Variants in PGM2L1 observed in about 807,000 individuals in gnomAD.
PGM2L1 encodes the protein phosphoglucomutase 2 like 1.
PGM2L1 carries 35 observed loss-of-function variants against 73.4 expected under a neutral mutation model. That is an observed-to-expected ratio of 0.48 (90% CI 0.36 to 0.63). PGM2L1 has a LOEUF of 0.63. PGM2L1 is among the 30% of genes least tolerant of loss of function. PGM2L1 has a pLI of 0.00. For synonymous variants in PGM2L1, 225 were observed against 253.8 expected (o/e 0.89, Z 1.08); for missense variants, 570 against 742.0 (o/e 0.77, Z 2.69).
chr11:74,341,789 G>A (rs887355922), intron 12 of PGM2L1, among the ~76,000 whole-genome samples: 6 of 151,374 alleles, frequency 4.0e-5, no homozygotes, highest in Non-Finnish European at 8.8e-5. Context: ...ACCATGGATT[G>A]CTGGCTAGCT....
rs1261050710 is a variant in PGM2L1 at position 74,333,849 on chromosome 11, C to T, written c.*2803G>A. Reference sequence around the variant, plus strand: ...TTTTCTCCAAAGCTTTAGAAAATTCCAGTTTTGACTTTCATGCTCAATGAG... The same window carrying T: ...TTTTCTCCAAAGCTTTAGAAAATTCTAGTTTTGACTTTCATGCTCAATGAG... On this transcript the variant is annotated 3_prime_UTR_variant, in exon 14 of 14. Transcript: ENST00000298198. 6.6e-6 allele frequency: 1 copy of T among 152,190 alleles called. No homozygotes were observed. Among genetic ancestry groups the T allele is most frequent in the Non-Finnish European group, 1.5e-5 (1 of 68,038 alleles). The allele number at this position is 152,190 out of a possible 1,614,324, so 9.4% of individuals were successfully genotyped here.
At chr11:74,394,689 TG>T (rs2134959344) in intron 1 of PGM2L1, among the ~76,000 whole-genome samples, 1 of 152,344 alleles carries the variant, frequency 6.6e-6, no homozygotes, top group African/African-American at 2.4e-5. Flanking sequence ...TCTCTATGCT[TG>T]TCATAGTTCT....
chr11:74,346,969 G>A, intron 7 of PGM2L1, 140 bp from the exon 8 acceptor site: 1 of 952,380 alleles, frequency 1.0e-6, no homozygotes, highest in Admixed American at 2.4e-5. Flanking sequence ...GAAGCCAAAA[G>A]TAGGGACACC....
At chr11:74,340,188 T>C (rs1458396037) in intron 12 of PGM2L1, among the ~76,000 whole-genome samples, 1 of 152,186 alleles carries the variant, frequency 6.6e-6, no homozygotes, top group Non-Finnish European at 1.5e-5. Context: ...CTATGCAACC[T>C]TGGGGATAAC....
intron 13 of PGM2L1, 73 bp downstream of exon 13, chr11:74,338,395 G>T: frequency 7.6e-7 from 1 of 1,321,908 alleles, no homozygotes; most frequent in Non-Finnish European, 1.0e-6. Context: ...TTTTAAGTGC[G>T]TGAGCTGTAT....
Position 74,371,719 on chromosome 11 carries a change from G to C in PGM2L1, c.378C>G (p.Ser126Arg). Residue 126 changes from serine (S) to arginine (R), a missense_variant, in exon 3 of 14, where the codon AGC (serine) becomes AGG (arginine). Transcript: ENST00000298198. ...DTRGQVTSSC[S>R]SQRLAKLTAA... ...AACAATTAACTTTGTACCTCTGGCT[G>C]CTGCAGCTGCTAGTTACTTGACCCC... 1 of 1,612,256 alleles carries C rather than the reference G, an allele frequency of 6.2e-7. No homozygotes were observed. The highest frequency in any genetic ancestry group is 1.1e-5 in the South Asian group (1 of 91,018).
chr11:74,374,650 G>A, intron 1 of PGM2L1, 68 bp from the exon 2 acceptor site: 1 of 1,378,478 alleles, frequency 7.3e-7, no homozygotes. Flanking sequence ...GCCCTTCTGA[G>A]GGGTCAATAT....
At chr11:74,352,937 T>C (rs1018845095) in intron 5 of PGM2L1, among the ~76,000 whole-genome samples, 5 of 152,128 alleles carry the variant, frequency 3.3e-5, no homozygotes, top group Admixed American at 3.3e-4. Flanking sequence ...ATGGCATCCT[T>C]GAAGCATTTC....
chr11:74,358,552 T>C (rs1189631687), intron 5 of PGM2L1, among the ~76,000 whole-genome samples: 1 of 152,208 alleles, frequency 6.6e-6, no homozygotes, highest in Non-Finnish European at 1.5e-5. Context: ...CCACCTTGAA[T>C]AGGGAATGCA....
At chr11:74,336,777 T>C (rs1324756001) in intron 13 of PGM2L1, 23 bp from the exon 14 acceptor site, 21 of 1,509,514 alleles carry the variant, frequency 1.4e-5, no homozygotes, top group Non-Finnish European at 1.8e-5. Context: ...TGAAGAGTTT[T>C]GGAATTATTT....
intron 6 of PGM2L1, among the ~76,000 whole-genome samples, chr11:74,348,505 C>T (rs1376457901): frequency 6.6e-6 from 1 of 152,048 alleles, no homozygotes; most frequent in Non-Finnish European, 1.5e-5. Context: ...AGAAACATAA[C>T]CATATTACCA....
At chr11:74,367,558 A>T (rs1341163737) in intron 5 of PGM2L1, among the ~76,000 whole-genome samples, 1 of 152,122 alleles carries the variant, frequency 6.6e-6, no homozygotes, top group African/African-American at 2.4e-5. Context: ...GATATTCCCT[A>T]GGGATCCATT....
At chr11:74,365,616 C>A (rs1416368114) in intron 5 of PGM2L1, among the ~76,000 whole-genome samples, 6 of 152,126 alleles carry the variant, frequency 3.9e-5, no homozygotes, top group African/African-American at 1.4e-4. Context: ...AAAAAATGCT[C>A]ATCATCACTG....
Position 74,330,621 on chromosome 11 carries a change from T to C in PGM2L1, c.*6031A>G, listed in dbSNP as rs1565430931. On this transcript the variant is annotated 3_prime_UTR_variant, in exon 14 of 14. Coordinates refer to ENST00000298198, the MANE Select transcript of PGM2L1 (RefSeq NM_173582.6). ...TAGAACAACAAGGCCTCACCATACA[T>C]AGAAGCAGAGTCTTGCTTGAGTGGC... is the stretch of plus-strand genomic sequence containing the variant. 6.6e-6 allele frequency: 1 copy of C among 152,614 alleles called. No homozygotes were observed. Among genetic ancestry groups the C allele is most frequent in the Non-Finnish European group, 1.5e-5 (1 of 68,020 alleles). 9.5% of individuals were successfully genotyped at this position (152,614 alleles called of 1,614,324 possible).
intron 6 of PGM2L1, among the ~76,000 whole-genome samples, chr11:74,350,476 C>T (rs573886983): frequency 6.6e-6 from 1 of 152,112 alleles, no homozygotes; most frequent in Non-Finnish European, 1.5e-5. Context: ...AATTCACATA[C>T]CATATAATTC....
chr11:74,341,461 G>A (rs944400861), intron 12 of PGM2L1, among the ~76,000 whole-genome samples: 1 of 152,142 alleles, frequency 6.6e-6, no homozygotes, highest in Non-Finnish European at 1.5e-5. Context: ...GGAGGCCGAG[G>A]TGGGCAGATC....
chr11:74,346,253 G>A (rs1253822340), intron 8 of PGM2L1, among the ~76,000 whole-genome samples: 1 of 61,120 alleles, frequency 1.6e-5, no homozygotes, highest in African/African-American at 7.1e-5. Flanking sequence ...TAAGCAACAA[G>A]AGCGAAACTA....
intron 5 of PGM2L1, among the ~76,000 whole-genome samples, chr11:74,367,338 G>A (rs3867271): frequency 0.54 from 82,273 of 151,944 alleles, 24,567 homozygotes; most frequent in East Asian, 0.8. Flanking sequence ...TTTGACAGTG[G>A]ACCTATAATT....
In PGM2L1 at chr11:74,343,431, A is replaced by C; in HGVS notation, c.1219-15T>G. 6.2e-7 allele frequency: 1 copy of C among 1,602,812 alleles called. No homozygotes were observed. The highest frequency in any genetic ancestry group is 8.5e-7 in the Non-Finnish European group (1 of 1,177,276). ...GGTAATGTTTCCTGAAATGCAGAGG[A>C]GGCCACTCTAGTTAAGTGACTGTCT... On this transcript the variant is annotated splice_polypyrimidine_tract_variant and intron_variant, in intron 9 of 13. Coordinates refer to ENST00000298198, the MANE Select transcript of PGM2L1 (RefSeq NM_173582.6).
Sources: gnomAD v4.1 joint callset for allele counts (sites outside exome capture counted in the v4.1 genomes callset) on GRCh38, gnomAD v4.1.1 for gene constraint, MANE v1.5 for transcripts, NCBI Gene and HGNC (gene_info 2026-07-23, HGNC 2026-07-21) for gene names.